The following ANKS1B variants were observed in gnomAD, a reference collection of about 807,000 sequenced individuals.
The protein encoded by ANKS1B is ankyrin repeat and sterile alpha motif domain-containing protein 1B.
A neutral mutation model predicts 148.3 loss-of-function variants in ANKS1B; 36 were observed. The ratio of observed to expected loss-of-function variants is 0.24; its 90% CI spans 0.19 to 0.32. The LOEUF is 0.32. ANKS1B is among the 10% of genes least tolerant of loss of function. The pLI, the probability that ANKS1B is intolerant of heterozygous loss-of-function variation, is 1.00. For synonymous variants in ANKS1B, 542 were observed against 560.8 expected (o/e 0.97, Z 0.47); for missense variants, 1,157 against 1,542.6 (o/e 0.75, Z 4.19).
intron 4 of ANKS1B, among the ~76,000 whole-genome samples, chr12:99,799,946 C>T (rs1027428071): frequency 1.3e-5 from 2 of 152,034 alleles, no homozygotes; most frequent in African/African-American, 4.8e-5. Flanking sequence ...AAATGGAAAA[C>T]CAATAGAAGT....
chr12:99,789,684 G>A (rs1434877015), intron 4 of ANKS1B, among the ~76,000 whole-genome samples: 2 of 151,716 alleles, frequency 1.3e-5, no homozygotes, highest in Non-Finnish European at 2.9e-5. Flanking sequence ...ATGCATTAGA[G>A]TCTCTTAAGA....
At chr12:99,567,169 C>T (rs150672092) in intron 9 of ANKS1B, among the ~76,000 whole-genome samples, 21 of 152,254 alleles carry the variant, frequency 1.4e-4, no homozygotes, top group South Asian at 4.2e-4. Flanking sequence ...AATTCAGTTC[C>T]TTGCAGCTGT....
At chr12:99,710,843 T>C (rs992649441) in intron 8 of ANKS1B, among the ~76,000 whole-genome samples, 2 of 152,240 alleles carry the variant, frequency 1.3e-5, no homozygotes, top group African/African-American at 2.4e-5. Flanking sequence ...CAGGGGAGCA[T>C]ATAATTAACA....
chr12:99,635,370 T>C (rs2098222923), intron 9 of ANKS1B, among the ~76,000 whole-genome samples: 1 of 152,114 alleles, frequency 6.6e-6, no homozygotes, highest in Non-Finnish European at 1.5e-5. Context: ...CACTGACAAA[T>C]GAATGGATCA....
At chr12:99,100,414 C>T (rs1320810122) in intron 15 of ANKS1B, among the ~76,000 whole-genome samples, 1 of 152,168 alleles carries the variant, frequency 6.6e-6, no homozygotes, top group Non-Finnish European at 1.5e-5. Flanking sequence ...TCATGCTGCC[C>T]ACACTTTAAG....
chr12:99,130,728 CTAATT>C (rs1269916076), intron 15 of ANKS1B, among the ~76,000 whole-genome samples: 1 of 152,120 alleles, frequency 6.6e-6, no homozygotes. Context: ...GGTGCTGATC[CTAATT>C]TATCTTTCTA....
intron 14 of ANKS1B, among the ~76,000 whole-genome samples, chr12:99,220,498 C>T (rs764677478): frequency 7.4e-6 from 1 of 134,726 alleles, no homozygotes; most frequent in Admixed American, 8.3e-5. Context: ...GTTGCCCAGG[C>T]TGGAGTCCAG....
At position 99,034,229 on chromosome 12, in the gene ANKS1B, G is replaced by A. The variant is rs529218731; in HGVS notation, c.2778+18928C>T. Among the ~76,000 whole-genome samples, 9 of 152,344 alleles carry A rather than the reference G, an allele frequency of 5.9e-5. No homozygotes were observed. In the South Asian group the frequency reaches 1.9e-3, roughly 32 times the overall value. On this transcript the variant is annotated intron_variant, in intron 17 of 26. Transcript: ENST00000683438. ...CATGTTTGTCAGGAAGGCCCTGCAT[G>A]CAAGAGAGCGGCAGGGCAGAGAGCA...
intron 1 of ANKS1B, among the ~76,000 whole-genome samples, chr12:99,956,435 C>A (rs1358760650): frequency 1.3e-5 from 2 of 152,146 alleles, no homozygotes; most frequent in Non-Finnish European, 2.9e-5. Flanking sequence ...TACTACATCT[C>A]CTTTCTTTTC....
chr12:99,914,743 A>G (rs1200745065), intron 1 of ANKS1B, among the ~76,000 whole-genome samples: 1 of 152,004 alleles, frequency 6.6e-6, no homozygotes, highest in Admixed American at 6.5e-5. Context: ...ACATGAGACC[A>G]CTAAACACTC....
intron 17 of ANKS1B, among the ~76,000 whole-genome samples, chr12:98,987,486 AATGGTAAAGTAGCTT>A (rs1341288725): frequency 6.6e-6 from 1 of 152,146 alleles, no homozygotes; most frequent in Admixed American, 6.6e-5. Flanking sequence ...AAAAAATCAT[AATGGTAAAGTAGCTT>A]ATTTACAAAG....
At chr12:98,976,790 C>T (rs962420192) in intron 17 of ANKS1B, 3 of 152,166 alleles carry the variant, frequency 2.0e-5, no homozygotes, top group African/African-American at 7.2e-5. Context: ...TTATTCATTT[C>T]AATAAATAGC....
At chr12:99,298,845 C>T (rs2081239075) in intron 12 of ANKS1B, among the ~76,000 whole-genome samples, 1 of 152,112 alleles carries the variant, frequency 6.6e-6, no homozygotes, top group African/African-American at 2.4e-5. Context: ...TCCTCTACAA[C>T]CCAATTTTCC....
chr12:98,917,565 T>C (rs1431326870), intron 17 of ANKS1B, among the ~76,000 whole-genome samples: 1 of 152,232 alleles, frequency 6.6e-6, no homozygotes, highest in Non-Finnish European at 1.5e-5. Flanking sequence ...ATACGAAGCG[T>C]AAGACCACAA....
intron 13 of ANKS1B, among the ~76,000 whole-genome samples, chr12:99,246,016 C>T (rs1395936412): frequency 6.6e-6 from 1 of 152,096 alleles, no homozygotes; most frequent in Non-Finnish European, 1.5e-5. Context: ...TCTCTTGTAC[C>T]TCATAGCTAG....
intron 10 of ANKS1B, among the ~76,000 whole-genome samples, chr12:99,485,721 T>C (rs1361989130): frequency 6.6e-6 from 1 of 152,154 alleles, no homozygotes; most frequent in East Asian, 1.9e-4. Flanking sequence ...TATTCATTTC[T>C]TTTGATTCTT....
At chr12:99,327,941 T>C (rs1298453586) in intron 12 of ANKS1B, among the ~76,000 whole-genome samples, 1 of 151,864 alleles carries the variant, frequency 6.6e-6, no homozygotes, top group Non-Finnish European at 1.5e-5. Context: ...GATCCTATTT[T>C]CTGTGTGTGG....
chr12:99,907,570 T>G (rs964368284), intron 1 of ANKS1B, among the ~76,000 whole-genome samples: 2 of 152,164 alleles, frequency 1.3e-5, no homozygotes, highest in Non-Finnish European at 2.9e-5. Flanking sequence ...ATTTTCTCTG[T>G]AAATAGAACT....
chr12:99,011,499 CCATAA>C (rs2099939392), intron 17 of ANKS1B, among the ~76,000 whole-genome samples: 1 of 152,024 alleles, frequency 6.6e-6, no homozygotes, highest in African/African-American at 2.4e-5. Context: ...AACTTATTTC[CCATAA>C]CATAGGAAAG....
Sources: allele counts gnomAD v4.1 joint callset (sites outside exome capture counted in the v4.1 genomes callset), GRCh38; gene constraint gnomAD v4.1.1; transcripts MANE v1.5; gene names NCBI Gene and HGNC (gene_info 2026-07-23, HGNC 2026-07-21).